FSTL5: variants seen among roughly 807,000 people sequenced by gnomAD.
The protein encoded by FSTL5 is follistatin-related protein 5.
Under a neutral mutation model 89.1 loss-of-function variants are expected in FSTL5, and 62 were observed. The observed-to-expected ratio is 0.70, with a 90% CI of 0.57 to 0.86. The LOEUF (loss-of-function observed/expected upper bound fraction) is 0.86. FSTL5 is among the 40% of genes least tolerant of loss of function. The pLI is 0.00. For synonymous variants in FSTL5, 383 were observed against 346.2 expected (o/e 1.11, Z -1.18); for missense variants, 1,057 against 1,001.6 (o/e 1.06, Z -0.75).
At chr4:161,928,448 T>C (rs1341078447) in intron 3 of FSTL5, among the ~76,000 whole-genome samples, 2 of 151,810 alleles carry the variant, frequency 1.3e-5, no homozygotes, top group Non-Finnish European at 1.5e-5. Context: ...ATTGTTACTA[T>C]AGATCGGATG....
intron 6 of FSTL5, among the ~76,000 whole-genome samples, chr4:161,722,138 T>C (rs1196341924): frequency 1.3e-5 from 2 of 152,164 alleles, no homozygotes; most frequent in Non-Finnish European, 2.9e-5. Context: ...TATGTGTGTG[T>C]CTGGGATTAG....
intron 4 of FSTL5, among the ~76,000 whole-genome samples, chr4:161,813,030 CTTT>C (rs372383502): frequency 1.4e-5 from 2 of 141,232 alleles, no homozygotes; most frequent in Non-Finnish European, 1.5e-5. Flanking sequence ...TGAAAGATCC[CTTT>C]TTTTTTTTTT....
intron 13 of FSTL5, among the ~76,000 whole-genome samples, chr4:161,466,699 A>T (rs1045238506): frequency 6.6e-6 from 1 of 152,098 alleles, no homozygotes; most frequent in African/African-American, 2.4e-5. Flanking sequence ...TTCTTACAAA[A>T]ACTTTGATGG....
chr4:161,742,029 G>A (rs1740046656), intron 6 of FSTL5, among the ~76,000 whole-genome samples: 1 of 152,090 alleles, frequency 6.6e-6, no homozygotes, highest in Non-Finnish European at 1.5e-5. Context: ...TGAGTAAACT[G>A]CTGGTACAAA....
At chr4:161,523,052 A>T (rs955531760) in intron 10 of FSTL5, among the ~76,000 whole-genome samples, 4 of 152,288 alleles carry the variant, frequency 2.6e-5, no homozygotes, top group African/African-American at 9.6e-5. Context: ...AGACATTGCC[A>T]AGTATTTTAT....
chr4:161,553,818 T>C (rs1213456557), intron 8 of FSTL5, among the ~76,000 whole-genome samples: 1 of 151,538 alleles, frequency 6.6e-6, no homozygotes, highest in African/African-American at 2.4e-5. Context: ...ATTTATAGTA[T>C]TTCAGAGCAG....
At chr4:161,818,577 T>A (rs1026203284) in intron 4 of FSTL5, among the ~76,000 whole-genome samples, 32 of 152,310 alleles carry the variant, frequency 2.1e-4, no homozygotes, top group Middle Eastern at 3.4e-3. Flanking sequence ...CCTACCTGTC[T>A]ATATGCTCCC....
intron 1 of FSTL5, among the ~76,000 whole-genome samples, chr4:162,134,240 G>C (rs1001404895): frequency 2.6e-5 from 4 of 152,166 alleles, no homozygotes; most frequent in Non-Finnish European, 4.4e-5. Context: ...TAAGCACGGT[G>C]GTATCTCAGG....
At chr4:162,021,300 A>G (rs1027903756) in intron 3 of FSTL5, among the ~76,000 whole-genome samples, 1 of 152,196 alleles carries the variant, frequency 6.6e-6, no homozygotes, top group South Asian at 2.1e-4. Context: ...GGATAATTTT[A>G]AGAATGACAA....
At chr4:161,778,725 C>T (rs1480840259) in intron 4 of FSTL5, among the ~76,000 whole-genome samples, 2 of 152,174 alleles carry the variant, frequency 1.3e-5, no homozygotes, top group Non-Finnish European at 1.5e-5. Context: ...GTTTTCATAA[C>T]AGCAAGAAAC....
chr4:161,938,459 T>G (rs1479352335), intron 3 of FSTL5, among the ~76,000 whole-genome samples: 2 of 152,114 alleles, frequency 1.3e-5, no homozygotes, highest in Non-Finnish European at 2.9e-5. Context: ...GATATGGATA[T>G]CCAGCAAAAA....
chr4:161,466,550 T>C (rs1733754026), intron 13 of FSTL5, among the ~76,000 whole-genome samples: 2 of 152,134 alleles, frequency 1.3e-5, no homozygotes, highest in Non-Finnish European at 2.9e-5. Context: ...CTGCTGATAA[T>C]ACTTAAGAGT....
chr4:162,098,387 A>G (rs760048946), intron 2 of FSTL5, among the ~76,000 whole-genome samples: 1 of 152,030 alleles, frequency 6.6e-6, no homozygotes, highest in Non-Finnish European at 1.5e-5. Flanking sequence ...CTATATCTTC[A>G]TGCATCTATA....
chr4:162,065,448 G>A (rs1738863209), intron 2 of FSTL5, among the ~76,000 whole-genome samples: 1 of 151,908 alleles, frequency 6.6e-6, no homozygotes, highest in Non-Finnish European at 1.5e-5. Flanking sequence ...ATAGATATAT[G>A]AAAAGGTACT....
At chr4:161,729,332 G>A (rs1739526410) in intron 6 of FSTL5, among the ~76,000 whole-genome samples, 3 of 152,196 alleles carry the variant, frequency 2.0e-5, no homozygotes, top group South Asian at 2.1e-4. Flanking sequence ...ATGTTCTACT[G>A]TCTTCTTCCC....
intron 4 of FSTL5, among the ~76,000 whole-genome samples, chr4:161,803,091 T>G (rs1436344147): frequency 6.6e-6 from 1 of 151,926 alleles, no homozygotes. Context: ...AACCACTACA[T>G]GATTTCTGCA....
At chr4:162,098,293 G>A (rs1269229195) in intron 2 of FSTL5, among the ~76,000 whole-genome samples, 1 of 151,914 alleles carries the variant, frequency 6.6e-6, no homozygotes, top group African/African-American at 2.4e-5. Context: ...AAAAAAATCA[G>A]AACATTGGTT....
At chr4:161,965,530 G>C (rs929624414) in intron 3 of FSTL5, among the ~76,000 whole-genome samples, 2 of 152,104 alleles carry the variant, frequency 1.3e-5, no homozygotes, top group Non-Finnish European at 2.9e-5. Flanking sequence ...TTTCCAGGAA[G>C]AGCTCATGGA....
intron 13 of FSTL5, among the ~76,000 whole-genome samples, chr4:161,466,441 T>C (rs1733749847): frequency 6.6e-6 from 1 of 152,204 alleles, no homozygotes; most frequent in Non-Finnish European, 1.5e-5. Context: ...ACAGCTTGTT[T>C]ATCAGTCTGA....
Sources: allele counts gnomAD v4.1 joint callset (sites outside exome capture counted in the v4.1 genomes callset), GRCh38; gene constraint gnomAD v4.1.1; transcripts MANE v1.5; gene names NCBI Gene and HGNC (gene_info 2026-07-23, HGNC 2026-07-21).